MACF1: variants seen among roughly 807,000 people sequenced by gnomAD.
MACF1 encodes microtubule-actin cross-linking factor 1.
In MACF1, 193 loss-of-function variants were observed where a neutral mutation model predicts 854.8. The observed-to-expected ratio is 0.23, with a 90% CI of 0.20 to 0.25. MACF1 has a LOEUF of 0.25. Ranked by LOEUF, MACF1 falls within the 10% of genes least tolerant of loss-of-function variation. MACF1 has a pLI of 1.00. For synonymous variants in MACF1, 3,185 were observed against 3,226.7 expected, an observed-to-expected ratio of 0.99 and a Z score of 0.44; for missense variants, 7,722 against 8,929.1, an observed-to-expected ratio of 0.86 and a Z score of 5.45.
chr1:39,444,131 C>G (rs549818633), intron 79 of MACF1, among the ~76,000 whole-genome samples: 1 of 152,058 alleles, frequency 6.6e-6, no homozygotes, highest in Non-Finnish European at 1.5e-5. Context: ...GTCAGGAGAT[C>G]AAGACCATCC....
intron 86 of MACF1, 155 bp downstream of exon 86, chr1:39,452,505 T>G (rs1304035720): frequency 8.8e-7 from 1 of 1,131,162 alleles, no homozygotes; most frequent in Non-Finnish European, 1.3e-6. Flanking sequence ...AATATTCATT[T>G]TGAGAAATAA....
chr1:39,157,778 C>T (rs1356406955), intron 2 of MACF1, among the ~76,000 whole-genome samples: 1 of 152,118 alleles, frequency 6.6e-6, no homozygotes, highest in Non-Finnish European at 1.5e-5. Flanking sequence ...GTGATCTTGG[C>T]TCACTGCAGC....
intron 2 of MACF1, among the ~76,000 whole-genome samples, chr1:39,124,763 A>G (rs944284061): frequency 4.6e-5 from 7 of 152,214 alleles, no homozygotes; most frequent in Admixed American, 6.5e-5. Context: ...CTTTATGCAT[A>G]TATTATTTCA....
chr1:39,322,557 A>G (rs771277900), intron 31 of MACF1, 51 bp from the exon 32 acceptor site: 9 of 1,396,290 alleles, frequency 6.4e-6, no homozygotes, highest in South Asian at 1.2e-5. Flanking sequence ...TACATGATGT[A>G]TGTGAATTAT....
At chr1:39,130,650 A>G (rs913436969) in intron 2 of MACF1, among the ~76,000 whole-genome samples, 6 of 152,150 alleles carry the variant, frequency 3.9e-5, no homozygotes, top group African/African-American at 1.2e-4. Context: ...TATATGTCAT[A>G]CTAATTTATA....
intron 1 of MACF1, among the ~76,000 whole-genome samples, chr1:39,216,286 G>C (rs972143530): frequency 3.3e-5 from 5 of 152,084 alleles, no homozygotes; most frequent in African/African-American, 1.2e-4. Context: ...ATGGTAGTGT[G>C]TTTTTAAGAT....
intron 2 of MACF1, among the ~76,000 whole-genome samples, chr1:39,234,340 G>A (rs1353697217): frequency 2.6e-5 from 4 of 151,156 alleles, no homozygotes; most frequent in Non-Finnish European, 1.5e-5. Flanking sequence ...CGGGCAGAGG[G>A]GCTCCTCACT....
intron 87 of MACF1, 81 bp downstream of exon 87, chr1:39,452,893 TC>T: frequency 6.6e-7 from 1 of 1,511,622 alleles, no homozygotes; most frequent in Non-Finnish European, 9.0e-7. Context: ...AGCAACTTTT[TC>T]TTGGAAATAT....
chr1:39,260,105 G>T (rs1337213129), intron 6 of MACF1, among the ~76,000 whole-genome samples: 1 of 152,048 alleles, frequency 6.6e-6, no homozygotes, highest in Non-Finnish European at 1.5e-5. Context: ...ATCAAATACA[G>T]TTATTATTCT....
At chr1:39,421,428 A>G (rs1395272674) in intron 58 of MACF1, among the ~76,000 whole-genome samples, 1 of 152,154 alleles carries the variant, frequency 6.6e-6, no homozygotes, top group Non-Finnish European at 1.5e-5. Context: ...TCCCAACGTT[A>G]CTGGCCCATT....
chr1:39,448,186 A>C (rs769934094), intron 83 of MACF1, 34 bp downstream of exon 83: 6 of 1,591,094 alleles, frequency 3.8e-6, no homozygotes, highest in Admixed American at 1.8e-5. Context: ...GTCCCAAGCC[A>C]TAGTATTCGC....
At chr1:39,485,479 CT>C (rs1464107515) in intron 100 of MACF1, 58 bp from the exon 101 acceptor site, 1 of 1,503,270 alleles carries the variant, frequency 6.7e-7, no homozygotes, top group East Asian at 2.4e-5. Context: ...CTTCTGCTCA[CT>C]TGTTCTTCCA....
rs370728217 is a variant in MACF1 at position 39,357,909 on chromosome 1, C to A, written c.11943+16C>A. 9 of 1,589,708 alleles carry A rather than the reference C, an allele frequency of 5.7e-6. No homozygotes were observed. The African/African-American group carries it at 9.5e-5, about 17-fold the overall frequency. On this transcript the variant is annotated intron_variant, in intron 45 of 100. Coordinates refer to ENST00000564288, the MANE Select transcript of MACF1 (RefSeq NM_001394062.1). The stretch of plus-strand genomic sequence containing the variant: ...CCACTCAAAGGTAAGGGGGCAGTTC[C>A]TGGCATCCTTGGTGAAACAATCATG...
At chr1:39,136,587 C>T (rs1470933206) in intron 2 of MACF1, among the ~76,000 whole-genome samples, 1 of 152,146 alleles carries the variant, frequency 6.6e-6, no homozygotes, top group African/African-American at 2.4e-5. Flanking sequence ...GTGCACCCCC[C>T]TGTGCAAATT....
chr1:39,363,212 A>AT (rs1365969742), intron 49 of MACF1, among the ~76,000 whole-genome samples: 6 of 152,024 alleles, frequency 3.9e-5, no homozygotes, highest in African/African-American at 1.4e-4. Flanking sequence ...ACCTTTGTTG[A>AT]TTAAACTTAT....
At chr1:39,228,933 C>T (rs1306495278) in intron 1 of MACF1, among the ~76,000 whole-genome samples, 3 of 152,316 alleles carry the variant, frequency 2.0e-5, no homozygotes, top group African/African-American at 4.8e-5. Flanking sequence ...GGATTACAGG[C>T]GTGAGCCACC....
rs112719250 is a variant in MACF1 at position 39,259,652 on chromosome 1, C to T, written c.528+1624C>T. The stretch of plus-strand genomic sequence containing the variant: ...TTTTTTGTTTTTTGAGACGGAATTT[C>T]GCTCTTGTTGCCCGGGCTAGAGTGC... On this transcript the variant is annotated intron_variant, in intron 6 of 100. Transcript: ENST00000564288. Among the ~76,000 whole-genome samples, 1,166 of 151,568 alleles carry T rather than the reference C, an allele frequency of 7.7e-3. 14 individuals are homozygous for T. The highest frequency in any genetic ancestry group is 0.027 in the African/African-American group (1,102 of 41,286).
intron 2 of MACF1, among the ~76,000 whole-genome samples, chr1:39,124,968 G>C (rs1557468963): frequency 6.6e-6 from 1 of 152,158 alleles, no homozygotes; most frequent in Non-Finnish European, 1.5e-5. Flanking sequence ...AACTTATGTG[G>C]TGTGATGGAA....
rs1446442340 is a variant in MACF1 at position 39,105,950 on chromosome 1, G to T, written c.220+21512G>T. On this transcript the variant is annotated intron_variant, in intron 2 of 93. Coordinates refer to the MACF1 transcript ENST00000361689. The surrounding 1 kb of genome is among the most constrained non-coding windows in gnomAD (Gnocchi z 5.9). ...GCTCAGAGCGCCAGTTACATGATTT[G>T]CCCTATTATCCGGCCCCAGCTGGAA... Among the ~76,000 whole-genome samples the T allele has an allele frequency of 3.3e-5, 5 of 152,198 alleles. No homozygotes were observed. The highest frequency in any genetic ancestry group is 1.3e-4 in the Admixed American group (2 of 15,286).
Sources: allele counts gnomAD v4.1 joint callset (sites outside exome capture counted in the v4.1 genomes callset), GRCh38; gene constraint gnomAD v4.1.1; non-coding constraint Gnocchi (gnomAD v3.1); transcripts MANE v1.5; gene names NCBI Gene and HGNC (gene_info 2026-07-23, HGNC 2026-07-21).